RAPGEFL1: variants seen among roughly 807,000 people sequenced by gnomAD.
RAPGEFL1 encodes rap guanine nucleotide exchange factor-like 1.
In RAPGEFL1, 31 loss-of-function variants were observed where a neutral mutation model predicts 64.4. That is an observed-to-expected ratio of 0.48 (90% confidence interval 0.36 to 0.65). The LOEUF (loss-of-function observed/expected upper bound fraction) is 0.65, where lower values mean the gene tolerates loss of function less well. Among genes scored for constraint, RAPGEFL1 ranks in the 30% least tolerant of loss-of-function variants. The pLI is 0.00. For synonymous variants in RAPGEFL1, 331 were observed against 274.1 expected, an observed-to-expected ratio of 1.21 and a Z score of -2.05; for missense variants, 682 against 677.4, an observed-to-expected ratio of 1.01 and a Z score of -0.08.
In RAPGEFL1 at chr17:40,191,303, G is replaced by A; in HGVS notation, c.1336-13G>A. 6.4e-7 allele frequency: 1 copy of A among 1,556,246 alleles called. No homozygotes were observed. On this transcript the variant is annotated splice_polypyrimidine_tract_variant and intron_variant, in intron 8 of 14. Coordinates refer to ENST00000620260, the MANE Select transcript of RAPGEFL1 (RefSeq NM_016339.6). The surrounding 1 kb of genome is among the most constrained non-coding windows in gnomAD (Gnocchi z 5.1). ...CTGGCGCCCTGGCCGCCCCTCCGCT[G>A]CCGTGGGTGCAGCTGGAGTTCGTGG...
intron 4 of RAPGEFL1, 73 bp from the exon 5 acceptor site, chr17:40,188,793 G>A: frequency 8.4e-7 from 1 of 1,186,300 alleles, no homozygotes; most frequent in South Asian, 1.2e-5. Context: ...ATTCTTGCTT[G>A]ATGTTGCCTG....
Position 40,193,435 on chromosome 17 carries a change from TGAGA to T in RAPGEFL1, c.1864+20_1864+23del, listed in dbSNP as rs1476278944. On this transcript the variant is annotated intron_variant, in intron 14 of 14. Transcript: ENST00000620260. ...GCCCCTTTGTGAGTACCCAGGGTAC[TGAGA>T]GCAGTACAGATAGAGCTTTGACTGA... The T allele has an allele frequency of 6.2e-7, 1 of 1,614,002 alleles. No homozygotes were observed. The highest frequency in any genetic ancestry group is 1.7e-5 in the Admixed American group (1 of 60,024).
Position 40,192,997 on chromosome 17 carries a change from G to A in RAPGEFL1, c.1809+7G>A. ...GGTGAACATCGAGAAGCTGGTGAGT[G>A]AGTGGCACTGCAAACCCCTAGTCCC... On this transcript the variant is annotated splice_region_variant and intron_variant, in intron 13 of 14. Coordinates refer to ENST00000620260, the MANE Select transcript of RAPGEFL1 (RefSeq NM_016339.6). The A allele has an allele frequency of 6.2e-7, 1 of 1,612,160 alleles. No individual in the cohort carries two copies.
In RAPGEFL1 at chr17:40,194,003, G is replaced by C; in HGVS notation, c.*215G>C. On this transcript the variant is annotated 3_prime_UTR_variant, in exon 15 of 15. Coordinates refer to ENST00000620260, the MANE Select transcript of RAPGEFL1 (RefSeq NM_016339.6). ...CTTCAAGCCAAAACTACACTTTGCT[G>C]GTTCCTGTCCCCTCTGAGAAAGGGG... The C allele has an allele frequency of 3.0e-5, 17 of 563,594 alleles. 1 individual carries two copies. In the South Asian group the frequency reaches 3.4e-4, roughly 11 times the overall value. The allele number at this position is 563,594 out of a possible 1,614,324, so 34.9% of individuals were successfully genotyped here.
Position 40,178,042 on chromosome 17 carries a change from C to T in RAPGEFL1, c.181C>T (p.Arg61Cys). 1 of 591,182 alleles carries T rather than the reference C, an allele frequency of 1.7e-6. No individual in the cohort carries two copies. The highest frequency in any genetic ancestry group is 3.0e-6 in the Non-Finnish European group (1 of 335,628). The allele number at this position is 591,182 out of a possible 1,614,324, so 36.6% of individuals were successfully genotyped here. A position where few individuals can be genotyped will look rare whatever the true frequency, so the allele number is the denominator to read the frequency against. The stretch of plus-strand genomic sequence containing the variant: ...GTTGCAGCGGCGTCAGAGCGTGTCT[C>T]GCCTGCTGCTCCCCGCTTTCCTCCG... ...RSLQRRQSVS[R>C]LLLPAFLREP... The change falls in exon 1 of 15, where the codon CGC becomes TGC. Residue 61 changes from arginine to cysteine, a missense_variant. This residue lies in a region of RAPGEFL1 where 271 missense variants were observed against 158.0 expected (regional missense o/e 1.72). Coordinates refer to ENST00000620260, the MANE Select transcript of RAPGEFL1 (RefSeq NM_016339.6).
At chr17:40,188,773 C>A in intron 4 of RAPGEFL1, 93 bp from the exon 5 acceptor site, 1 of 992,974 alleles carries the variant, frequency 1.0e-6, no homozygotes, top group Admixed American at 1.8e-5. Flanking sequence ...ATCCTTGACC[C>A]AATTCTGATA....
chr17:40,188,962 C>T lies in RAPGEFL1; in HGVS notation c.930C>T (p.Phe310=), dbSNP rs753432804. 2 of 1,614,134 alleles carry T rather than the reference C, an allele frequency of 1.2e-6. No homozygotes were observed. The highest frequency in any genetic ancestry group is 1.7e-5 in the Admixed American group (1 of 60,004). Residue 310 remains phenylalanine, a synonymous_variant, in exon 5 of 15, where the codon TTC becomes TTT. Transcript: ENST00000620260. The part of the protein sequence containing the change: ...IDSCLQTRVA[F]RGSDEIFCRV... ...CCTGTCTGCAGACCCGGGTGGCCTT[C>T]CGGGGCTCTGATGAGAGTGAGTGTG...
In RAPGEFL1 at chr17:40,190,660, C is replaced by T; in HGVS notation, c.1233C>T (p.Ile411=). The part of the protein sequence containing the change: ...YEALVPLPEE[I]QVSPGDTEIH... The stretch of plus-strand genomic sequence containing the variant: ...ACCAGGTGCCCCTCCCCGAGGAGAT[C>T]CAGGTCTCCCCTGGAGACACAGAGA... The change falls in exon 8 of 15, where the codon ATC becomes ATT. Residue 411 remains isoleucine (I), a synonymous_variant. Transcript: ENST00000620260. The T allele has an allele frequency of 3.1e-6, 5 of 1,614,134 alleles. No homozygotes were observed. Among genetic ancestry groups the T allele is most frequent in the Non-Finnish European group, 4.2e-6 (5 of 1,179,996 alleles).
Position 40,191,981 on chromosome 17 carries a change from G to C in RAPGEFL1, c.1606-232G>C, listed in dbSNP as rs560427806. Among the ~76,000 whole-genome samples, 16 of 152,328 alleles carry C rather than the reference G, an allele frequency of 1.1e-4. No individual in the cohort carries two copies. The South Asian group carries it at 3.1e-3, about 30-fold the overall frequency. On this transcript the variant is annotated intron_variant, in intron 10 of 14. Transcript: ENST00000620260. This position sits in a 1 kb window ranked among gnomAD's most constrained non-coding sequence, Gnocchi z 5.1. ...CTCAGTGGGGGCATCTTTATACAAA[G>C]CACCTGCATAAGACAGACCTGGCCT...
chr17:40,183,817 GGCCTTTTTTTTTTTT>G (rs1989969222), intron 2 of RAPGEFL1, among the ~76,000 whole-genome samples: 3 of 136,058 alleles, frequency 2.2e-5, no homozygotes, highest in Non-Finnish European at 4.7e-5. Context: ...CACCGCGCCT[GGCCTTTTTTTTTTTT>G]GCCTTTTTTT....
At position 40,184,575 on chromosome 17, in the gene RAPGEFL1, C is replaced by T. The variant is rs972077903; in HGVS notation, c.736-6C>T. On this transcript the variant is annotated splice_polypyrimidine_tract_variant and splice_region_variant and intron_variant, in intron 3 of 14. Coordinates refer to ENST00000620260, the MANE Select transcript of RAPGEFL1 (RefSeq NM_016339.6). ...TCCTTCACCTTCTTTGTCCTCCTCTCTCCAGGATCTATACCTGCTAATTAT... is the reference window on the plus strand; with the variant it reads ...TCCTTCACCTTCTTTGTCCTCCTCTTTCCAGGATCTATACCTGCTAATTAT... 6.6e-7 allele frequency: 1 copy of T among 1,506,746 alleles called. No individual in the cohort carries two copies. Among genetic ancestry groups the T allele is most frequent in the Non-Finnish European group, 9.1e-7 (1 of 1,096,764 alleles). The allele number at this position is 1,506,746 out of a possible 1,614,324, so 93.3% of individuals were successfully genotyped here. A position where few individuals can be genotyped will look rare whatever the true frequency, so the allele number is the denominator to read the frequency against.
chr17:40,190,823 C>T (rs1598445279), intron 8 of RAPGEFL1, 61 bp downstream of exon 8: 6 of 1,597,260 alleles, frequency 3.8e-6, no homozygotes, highest in Non-Finnish European at 3.4e-6. Context: ...CATTGGGAGA[C>T]GGTGTTCGCA....
chr17:40,182,540 C>T (rs1989926006), intron 2 of RAPGEFL1, among the ~76,000 whole-genome samples: 1 of 152,214 alleles, frequency 6.6e-6, no homozygotes, highest in Admixed American at 6.5e-5. Flanking sequence ...TCTCGAACTC[C>T]TGACCTCAAG....
intron 2 of RAPGEFL1, among the ~76,000 whole-genome samples, chr17:40,183,834 CCTT>C (rs1989972258): frequency 2.6e-5 from 2 of 77,856 alleles, no homozygotes; most frequent in Non-Finnish European, 5.0e-5. Context: ...TTTTTTTTTG[CCTT>C]TTTTTTTTTT....
intron 6 of RAPGEFL1, among the ~76,000 whole-genome samples, chr17:40,189,870 C>G (rs1035989637): frequency 2.6e-5 from 4 of 151,984 alleles, no homozygotes; most frequent in African/African-American, 9.7e-5. Context: ...GCAGGAGAAT[C>G]ACTTGAACCG....
intron 4 of RAPGEFL1, among the ~76,000 whole-genome samples, chr17:40,187,912 CTT>C (rs1004508368): frequency 4.8e-5 from 6 of 125,168 alleles, no homozygotes; most frequent in Admixed American, 8.3e-5. Flanking sequence ...CGCGCCTGGC[CTT>C]TTTTTTTTTT....
upstream of RAPGEFL1, chr17:40,177,072 G>A: frequency 5.7e-6 from 4 of 702,362 alleles, no homozygotes; most frequent in Non-Finnish European, 1.0e-5. Context: ...ATTCACCCAA[G>A]AGGCCTTCCC....
rs148458965 is a variant in RAPGEFL1 at position 40,189,338 on chromosome 17, G to A, written c.1077G>A (p.Glu359=). ...ATTCAGAGGAGCCCGCGGGGCGTGA[G>A]GATTCCCTCATCCTGGTAGCTGTGT... The part of the protein sequence containing the change: ...LQYSEEPAGR[E]DSLILVAVSS... The change falls in exon 6 of 15, where the codon GAG becomes GAA. Residue 359 remains glutamate, a synonymous_variant. Transcript: ENST00000620260. 3.0e-5 allele frequency: 48 copies of A among 1,614,062 alleles called. No homozygotes were observed. The highest frequency in any genetic ancestry group is 4.0e-5 in the Non-Finnish European group (47 of 1,180,046).
At chr17:40,192,343 G>A in intron 11 of RAPGEFL1, 80 bp downstream of exon 11, 5 of 1,479,242 alleles carry the variant, frequency 3.4e-6, no homozygotes, top group Non-Finnish European at 3.8e-6. Context: ...CCTTCCTCAA[G>A]CTTTCCTTTC....
Sources: gnomAD v4.1 joint callset for allele counts (sites outside exome capture counted in the v4.1 genomes callset) on GRCh38, gnomAD v4.1.1 for gene constraint, gnomAD v4.1.1 regional missense constraint, Gnocchi (gnomAD v3.1) non-coding constraint, MANE v1.5 for transcripts, NCBI Gene and HGNC (gene_info 2026-07-23, HGNC 2026-07-21) for gene names.